The following ARID5B variants were observed in gnomAD, a reference collection of about 807,000 sequenced individuals.
The protein encoded by ARID5B is AT-rich interaction domain 5B.
ARID5B carries 13 observed loss-of-function variants against 97.2 expected under a neutral mutation model. That is an observed-to-expected ratio of 0.13 (90% CI 0.09 to 0.21). ARID5B has a LOEUF of 0.21. Ranked by LOEUF, ARID5B falls within the 10% of genes least tolerant of loss-of-function variation. ARID5B has a pLI of 1.00. For synonymous variants in ARID5B, 556 were observed against 570.3 expected (o/e 0.97, Z 0.36); for missense variants, 1,210 against 1,465.3 (o/e 0.83, Z 2.84).
chr10:61,993,736 T>G (rs558918168), intron 3 of ARID5B, among the ~76,000 whole-genome samples: 9 of 152,348 alleles, frequency 5.9e-5, no homozygotes, highest in Non-Finnish European at 1.3e-4. Context: ...TCAATATAAT[T>G]GTCAATAGCA....
At chr10:61,953,116 A>G (rs1589232951) in intron 3 of ARID5B, among the ~76,000 whole-genome samples, 1 of 152,096 alleles carries the variant, frequency 6.6e-6, no homozygotes, top group East Asian at 1.9e-4. Flanking sequence ...CACCGTTTTA[A>G]TCTTCGCCTC....
chr10:62,047,733 T>C (rs1219136050), intron 4 of ARID5B, among the ~76,000 whole-genome samples: 1 of 152,192 alleles, frequency 6.6e-6, no homozygotes, highest in African/African-American at 2.4e-5. Flanking sequence ...CAGCACACCA[T>C]AATGCACCTG....
intron 3 of ARID5B, among the ~76,000 whole-genome samples, chr10:61,986,633 T>G (rs537197593): frequency 6.6e-5 from 10 of 152,322 alleles, no homozygotes; most frequent in Admixed American, 6.5e-4. Context: ...CATTAAAATG[T>G]CCATTAGCAT....
intron 9 of ARID5B, among the ~76,000 whole-genome samples, chr10:62,088,452 T>C (rs909137058): frequency 3.3e-5 from 5 of 152,218 alleles, no homozygotes; most frequent in Non-Finnish European, 7.3e-5. Flanking sequence ...GCCTATGCAC[T>C]GAGCCTGTCA....
chr10:62,061,586 C>T (rs555484067), intron 7 of ARID5B, among the ~76,000 whole-genome samples: 4 of 152,316 alleles, frequency 2.6e-5, no homozygotes, highest in African/African-American at 9.6e-5. Context: ...ATGCTATGCC[C>T]TCCCATGCCA....
intron 3 of ARID5B, among the ~76,000 whole-genome samples, chr10:61,974,029 G>A (rs1163152420): frequency 3.3e-5 from 5 of 152,086 alleles, no homozygotes; most frequent in African/African-American, 4.8e-5. Flanking sequence ...TAAGGCACCC[G>A]CACATCTGAA....
chr10:61,904,047 G>GC (rs1458071716), intron 2 of ARID5B, among the ~76,000 whole-genome samples: 1 of 144,376 alleles, frequency 6.9e-6, no homozygotes. Context: ...GTCTGGCTCG[G>GC]CCCCCTCCCC....
At chr10:61,975,408 A>T (rs2132838790) in intron 3 of ARID5B, among the ~76,000 whole-genome samples, 1 of 152,356 alleles carries the variant, frequency 6.6e-6, no homozygotes, top group South Asian at 2.1e-4. Flanking sequence ...AAGTGGGAGT[A>T]GCTCAGTGGG....
intron 4 of ARID5B, among the ~76,000 whole-genome samples, chr10:62,045,407 C>T (rs1432194437): frequency 6.6e-6 from 1 of 151,796 alleles, no homozygotes; most frequent in Non-Finnish European, 1.5e-5. Context: ...TACTCCTCCC[C>T]CCCGAAAGAG....
At chr10:62,008,651 G>T (rs182808732) in intron 4 of ARID5B, among the ~76,000 whole-genome samples, 2 of 152,312 alleles carry the variant, frequency 1.3e-5, no homozygotes, top group African/African-American at 4.8e-5. Flanking sequence ...AGCCCTTGCT[G>T]TCCTTTGGTC....
At chr10:61,973,906 T>A (rs1838664843) in intron 3 of ARID5B, among the ~76,000 whole-genome samples, 1 of 152,206 alleles carries the variant, frequency 6.6e-6, no homozygotes. Flanking sequence ...TCTGGCCTTA[T>A]CCAATTATAA....
intron 4 of ARID5B, among the ~76,000 whole-genome samples, chr10:62,050,327 A>G (rs1223480099): frequency 1.3e-5 from 2 of 152,238 alleles, no homozygotes; most frequent in Non-Finnish European, 2.9e-5. Context: ...GTTAGTAAAT[A>G]TATGTAATAA....
chr10:61,935,041 A>G (rs951402129), intron 2 of ARID5B, among the ~76,000 whole-genome samples: 2 of 151,968 alleles, frequency 1.3e-5, no homozygotes, highest in African/African-American at 4.8e-5. Flanking sequence ...TTACAGATCA[A>G]CATACTGGAT....
intron 2 of ARID5B, among the ~76,000 whole-genome samples, chr10:61,926,348 A>G (rs1171706642): frequency 4.6e-5 from 7 of 152,194 alleles, no homozygotes; most frequent in Admixed American, 4.6e-4. Flanking sequence ...CAAGGTTTAA[A>G]TGACCAGTTT....
intron 2 of ARID5B, among the ~76,000 whole-genome samples, chr10:61,906,808 T>C (rs1843716128): frequency 6.6e-6 from 1 of 152,374 alleles, no homozygotes; most frequent in East Asian, 1.9e-4. Flanking sequence ...AGTCTCAGTC[T>C]AGCTGTGTTA....
intron 3 of ARID5B, among the ~76,000 whole-genome samples, chr10:61,951,510 C>T (rs1426847831): frequency 6.6e-6 from 1 of 152,176 alleles, no homozygotes; most frequent in Non-Finnish European, 1.5e-5. Flanking sequence ...TTGCAAACTT[C>T]ATGCCTACGG....
chr10:62,081,545 G>A (rs546240064), intron 8 of ARID5B, among the ~76,000 whole-genome samples: 3 of 152,302 alleles, frequency 2.0e-5, no homozygotes, highest in African/African-American at 4.8e-5. Flanking sequence ...AAGATGAAGG[G>A]TCTTTTCTTC....
intron 2 of ARID5B, among the ~76,000 whole-genome samples, chr10:61,909,388 C>G (rs1270976850): frequency 7.1e-6 from 1 of 140,292 alleles, no homozygotes; most frequent in Non-Finnish European, 1.5e-5. Flanking sequence ...TGCAGTGGCG[C>G]GATCTCGGCT....
chr10:61,951,472 T>C (rs1838323792), intron 3 of ARID5B, among the ~76,000 whole-genome samples: 1 of 152,242 alleles, frequency 6.6e-6, no homozygotes, highest in Non-Finnish European at 1.5e-5. Context: ...CCTTAAATAT[T>C]GGCATTCCGC....
Sources: gnomAD v4.1 joint callset for allele counts (sites outside exome capture counted in the v4.1 genomes callset) on GRCh38, gnomAD v4.1.1 for gene constraint, MANE v1.5 for transcripts, NCBI Gene and HGNC (gene_info 2026-07-23, HGNC 2026-07-21) for gene names.